RNF182: variants seen among roughly 807,000 people sequenced by gnomAD.
RNF182 encodes the protein ring finger protein 182, also known as E3 ubiquitin-protein ligase RNF182.
Under a neutral mutation model 14.4 loss-of-function variants are expected in RNF182, and 15 were observed. The observed-to-expected ratio is 1.04, with a 90% confidence interval of 0.70 to 1.60. The LOEUF is 1.60. RNF182 is among the 40% of genes most tolerant of loss of function. The pLI, the probability that RNF182 is intolerant of heterozygous loss-of-function variation, is 0.00. For synonymous variants in RNF182, 128 were observed against 122.9 expected, an observed-to-expected ratio of 1.04 and a Z score of -0.27; for missense variants, 268 against 294.8, an observed-to-expected ratio of 0.91 and a Z score of 0.67.
intron 1 of RNF182, among the ~76,000 whole-genome samples, chr6:13,957,465 C>A (rs1196523604): frequency 1.3e-5 from 2 of 152,120 alleles, no homozygotes; most frequent in Non-Finnish European, 2.9e-5. Flanking sequence ...CCTTTTAAAA[C>A]CTTTTTGCCC....
chr6:13,954,011 T>C (rs1232963035), intron 1 of RNF182, among the ~76,000 whole-genome samples: 1 of 152,228 alleles, frequency 6.6e-6, no homozygotes, highest in Non-Finnish European at 1.5e-5. Flanking sequence ...TTTATTTTTA[T>C]CTTTTTATTA....
intron 1 of RNF182, among the ~76,000 whole-genome samples, chr6:13,926,097 A>G (rs1758817750): frequency 6.6e-6 from 1 of 152,218 alleles, no homozygotes; most frequent in Non-Finnish European, 1.5e-5. Context: ...GTTTTAAATC[A>G]TATTTAAACA....
intron 1 of RNF182, among the ~76,000 whole-genome samples, chr6:13,929,643 C>A (rs1057260089): frequency 1.3e-5 from 2 of 152,178 alleles, no homozygotes. Flanking sequence ...ATCCTCACAA[C>A]AACCCTTTGA....
chr6:13,946,274 C>G (rs771672285), intron 1 of RNF182, among the ~76,000 whole-genome samples: 1 of 151,712 alleles, frequency 6.6e-6, no homozygotes, highest in Non-Finnish European at 1.5e-5. Flanking sequence ...TGAAGCAATT[C>G]TCCTGCCTCA....
intron 1 of RNF182, among the ~76,000 whole-genome samples, chr6:13,962,695 T>C (rs962252148): frequency 1.3e-4 from 20 of 152,352 alleles, no homozygotes; most frequent in Middle Eastern, 3.4e-3. Flanking sequence ...TTACAACATT[T>C]ATTTTCCAGG....
intron 2 of RNF182, among the ~76,000 whole-genome samples, chr6:13,974,998 A>C (rs1381048500): frequency 6.6e-6 from 1 of 152,162 alleles, no homozygotes; most frequent in East Asian, 1.9e-4. Flanking sequence ...GCAAAGAACA[A>C]ATGACATGTT....
intron 1 of RNF182, among the ~76,000 whole-genome samples, chr6:13,969,192 C>A (rs439034): frequency 0.4 from 60,648 of 151,886 alleles, 13,395 homozygotes; most frequent in Middle Eastern, 0.51. Context: ...TATTCTTCTT[C>A]TTCTCCCTCT....
intron 1 of RNF182, among the ~76,000 whole-genome samples, chr6:13,966,928 C>T (rs1760048187): frequency 6.6e-6 from 1 of 152,098 alleles, no homozygotes; most frequent in Non-Finnish European, 1.5e-5. Context: ...CCTCGGCCTC[C>T]TGGACTCAAG....
intron 2 of RNF182, among the ~76,000 whole-genome samples, chr6:13,975,121 G>A (rs991327455): frequency 6.6e-6 from 1 of 152,194 alleles, no homozygotes; most frequent in African/African-American, 2.4e-5. Context: ...CCAGTGAACT[G>A]CCCAGGGCTG....
intron 1 of RNF182, among the ~76,000 whole-genome samples, chr6:13,940,605 A>T (rs1759269285): frequency 6.6e-6 from 1 of 151,484 alleles, no homozygotes. Flanking sequence ...TAATTTATTC[A>T]TTTCTGTTCA....
intron 2 of RNF182, among the ~76,000 whole-genome samples, chr6:13,974,724 AAC>A (rs1303012946): frequency 6.6e-6 from 1 of 152,230 alleles, no homozygotes; most frequent in Non-Finnish European, 1.5e-5. Context: ...CGTATTCATA[AAC>A]ACTCACATGT....
intron 1 of RNF182, among the ~76,000 whole-genome samples, chr6:13,962,390 A>T (rs932993993): frequency 1.3e-5 from 2 of 152,250 alleles, no homozygotes; most frequent in Non-Finnish European, 2.9e-5. Context: ...TTCTGCCTTG[A>T]TAGTCACAAA....
intron 1 of RNF182, among the ~76,000 whole-genome samples, chr6:13,962,063 C>CTGTA (rs1346634678): frequency 6.6e-6 from 1 of 152,202 alleles, no homozygotes; most frequent in East Asian, 1.9e-4. Flanking sequence ...ACCATCGTCT[C>CTGTA]TACAAAGTTC....
intron 1 of RNF182, among the ~76,000 whole-genome samples, chr6:13,956,735 A>C (rs1297895480): frequency 6.6e-6 from 1 of 152,184 alleles, no homozygotes; most frequent in Non-Finnish European, 1.5e-5. Flanking sequence ...TTCCAGACTA[A>C]TTATGACCGT....
chr6:13,932,607 T>TTA (rs1314273727), intron 1 of RNF182, among the ~76,000 whole-genome samples: 2 of 152,350 alleles, frequency 1.3e-5, no homozygotes, highest in African/African-American at 4.8e-5. Flanking sequence ...TTCCTTTGAA[T>TTA]ATTTTGTCAC....
In RNF182 at chr6:13,977,020, C is replaced by T. The variant is rs760413069; in HGVS notation, c.-100C>T. ...CACTACTTATCCTGCCTTTTTGCAT[C>T]GCTGCCAGATTTGGATGATATGATA... is the stretch of plus-strand genomic sequence containing the variant. On this transcript the variant is annotated 5_prime_UTR_variant, in exon 3 of 3. Coordinates refer to ENST00000488300, the MANE Select transcript of RNF182 (RefSeq NM_152737.4). 7.8e-5 allele frequency: 101 copies of T among 1,290,388 alleles called. 1 individual carries two copies. In the East Asian group the frequency reaches 1.2e-3, roughly 15 times the overall value. 79.9% of individuals were successfully genotyped at this position (1,290,388 alleles called of 1,614,324 possible). A position where few individuals can be genotyped will look rare whatever the true frequency, so the allele number is the denominator to read the frequency against.
In RNF182 at chr6:13,977,033, G is replaced by A; in HGVS notation, c.-87G>A. 1.5e-6 allele frequency: 2 copies of A among 1,377,922 alleles called. No individual in the cohort carries two copies. Among genetic ancestry groups the A allele is most frequent in the Non-Finnish European group, 2.0e-6 (2 of 1,009,076 alleles). The allele number at this position is 1,377,922 out of a possible 1,614,324, so 85.4% of individuals were successfully genotyped here. On this transcript the variant is annotated 5_prime_UTR_variant, in exon 3 of 3. An upstream open reading frame in the 5' UTR gains an earlier in-frame stop. Coordinates refer to ENST00000488300, the MANE Select transcript of RNF182 (RefSeq NM_152737.4). ...GCCTTTTTGCATCGCTGCCAGATTT[G>A]GATGATATGATATTCAGAGGGGCAC... is the stretch of plus-strand genomic sequence containing the variant.
intron 1 of RNF182, among the ~76,000 whole-genome samples, chr6:13,932,005 G>T (rs187489804): frequency 6.6e-6 from 1 of 152,116 alleles, no homozygotes; most frequent in Non-Finnish European, 1.5e-5. Flanking sequence ...ACCAATAAGT[G>T]GTCTTTGACC....
intron 1 of RNF182, among the ~76,000 whole-genome samples, chr6:13,970,017 C>A (rs1328430264): frequency 6.6e-6 from 1 of 152,006 alleles, no homozygotes; most frequent in East Asian, 1.9e-4. Flanking sequence ...CATCCATTTT[C>A]CCTCTTTTGT....
Sources: allele counts gnomAD v4.1 joint callset (sites outside exome capture counted in the v4.1 genomes callset), GRCh38; gene constraint gnomAD v4.1.1; transcripts MANE v1.5; gene names NCBI Gene and HGNC (gene_info 2026-07-23, HGNC 2026-07-21).